GPHN: variants seen among roughly 807,000 people sequenced by gnomAD.
GPHN encodes the protein gephyrin.
A neutral mutation model predicts 95.5 loss-of-function variants in GPHN; 17 were observed. The observed-to-expected ratio is 0.18, with a 90% CI of 0.12 to 0.27. The LOEUF is 0.27. Among genes scored for constraint, GPHN ranks in the 10% least tolerant of loss-of-function variants. GPHN has a pLI of 1.00. For missense variants in GPHN, 660 were observed against 978.1 expected, an observed-to-expected ratio of 0.67 and a Z score of 4.34; for synonymous variants, 320 against 322.5, an observed-to-expected ratio of 0.99 and a Z score of 0.08.
At chr14:67,734,137 T>C in the GPHN span, 1 of 336,928 alleles carries the variant, frequency 3.0e-6, no homozygotes, top group Non-Finnish European at 5.8e-6. Context: ...GGCATGGGGG[T>C]GGCAGAAGAG....
chr14:67,680,739 G>A, the GPHN span, among the ~76,000 whole-genome samples: 5 of 152,232 alleles, frequency 3.3e-5, no homozygotes, highest in South Asian at 2.1e-4. Flanking sequence ...GATTACAGGC[G>A]TGAGCCGCCG....
the GPHN span, chr14:67,571,748 G>A: frequency 1.9e-6 from 3 of 1,612,110 alleles, no homozygotes; most frequent in African/African-American, 2.7e-5. Context: ...GGCCTGTCTT[G>A]CAGAGAGCTA....
chr14:66,868,473 A>T (rs1158684128), intron 4 of GPHN, among the ~76,000 whole-genome samples: 1 of 152,032 alleles, frequency 6.6e-6, no homozygotes, highest in Admixed American at 6.6e-5. Flanking sequence ...GGCTCACTGC[A>T]GCCTCTGCAA....
chr14:66,976,798 T>C (rs2070257800), intron 9 of GPHN, among the ~76,000 whole-genome samples: 1 of 151,332 alleles, frequency 6.6e-6, no homozygotes, highest in South Asian at 2.1e-4. Context: ...ATCTACCATA[T>C]ACAGGGTTGA....
chr14:67,039,694 G>A (rs2074600448), intron 10 of GPHN, among the ~76,000 whole-genome samples: 1 of 152,190 alleles, frequency 6.6e-6, no homozygotes, highest in African/African-American at 2.4e-5. Context: ...TCAGGAGGCT[G>A]AGGTGGGAGG....
Position 66,957,785 on chromosome 14 carries a change from G to A in GPHN, c.829-7406G>A, listed in dbSNP as rs535270812. ...ACCAGTCCATGACCTGTTAGGAAGCGGTCCGCACAGTGGGAGGTGAGCAGC... is the reference window on the plus strand; with the variant it reads ...ACCAGTCCATGACCTGTTAGGAAGCAGTCCGCACAGTGGGAGGTGAGCAGC... On this transcript the variant is annotated intron_variant, in intron 8 of 22. Coordinates refer to ENST00000478722, the MANE Select transcript of GPHN (RefSeq NM_020806.5). 1.7e-4 allele frequency among the ~76,000 whole-genome samples: 26 copies of A among 152,196 alleles called. No individual in the cohort carries two copies. In the South Asian group the frequency reaches 2.3e-3, roughly 13 times the overall value.
chr14:66,589,074 A>G lies in GPHN; in HGVS notation c.64+80483A>G, dbSNP rs532460712. On this transcript the variant is annotated intron_variant, in intron 1 of 22. Coordinates refer to ENST00000478722, the MANE Select transcript of GPHN (RefSeq NM_020806.5). ...ACAAGCCAGAAGAGAGTGGGGGCCA[A>G]TATTCAACCTTCTGAAAAAAAAGAA... Among the ~76,000 whole-genome samples the G allele has an allele frequency of 1.6e-3, 243 of 152,274 alleles. 2 individuals carry two copies. The highest frequency in any genetic ancestry group is 5.8e-3 in the African/African-American group (240 of 41,566).
intron 2 of GPHN, among the ~76,000 whole-genome samples, chr14:66,750,313 C>G (rs1005132786): frequency 3.3e-5 from 5 of 151,686 alleles, no homozygotes; most frequent in African/African-American, 1.2e-4. Context: ...TTTTAAGATT[C>G]TGAGTTCTTT....
chr14:67,404,110 T>C, the GPHN span, among the ~76,000 whole-genome samples: 1 of 152,140 alleles, frequency 6.6e-6, no homozygotes, highest in Non-Finnish European at 1.5e-5. Context: ...TTGACACTTA[T>C]AGGAACACTG....
chr14:67,419,264 AC>A, the GPHN span, among the ~76,000 whole-genome samples: 1 of 151,546 alleles, frequency 6.6e-6, no homozygotes, highest in Admixed American at 6.6e-5. Context: ...ATGTCTGAGG[AC>A]CCCCCAGCAC....
intron 1 of GPHN, among the ~76,000 whole-genome samples, chr14:66,572,007 A>G (rs909096974): frequency 1.1e-4 from 17 of 152,156 alleles, no homozygotes; most frequent in Admixed American, 6.5e-5. Flanking sequence ...CAGTTTTCCC[A>G]ATATCATTTG....
At chr14:66,740,933 C>T (rs953207686) in intron 2 of GPHN, among the ~76,000 whole-genome samples, 1 of 152,066 alleles carries the variant, frequency 6.6e-6, no homozygotes, top group African/African-American at 2.4e-5. Context: ...TTCTGGAAAG[C>T]CGGGAAGTCC....
chr14:66,542,515 T>C (rs2059389705), intron 1 of GPHN, among the ~76,000 whole-genome samples: 1 of 152,194 alleles, frequency 6.6e-6, no homozygotes, highest in Non-Finnish European at 1.5e-5. Flanking sequence ...CATTATTCTT[T>C]ACTTTTCTAT....
Position 66,707,261 on chromosome 14 carries a change from C to T in GPHN, c.143+26076C>T, listed in dbSNP as rs557322460. 2.1e-4 allele frequency among the ~76,000 whole-genome samples: 32 copies of T among 152,240 alleles called. 1 individual carries two copies. Among genetic ancestry groups the T allele is most frequent in the Admixed American group, 1.4e-3 (22 of 15,288 alleles). On this transcript the variant is annotated intron_variant, in intron 2 of 22. Coordinates refer to ENST00000478722, the MANE Select transcript of GPHN (RefSeq NM_020806.5). ...ATTGTGAAAGACAGTATGTAGATTTCTCAAGGATCTAGAACCAGAAATACC... is the reference window on the plus strand; with the variant it reads ...ATTGTGAAAGACAGTATGTAGATTTTTCAAGGATCTAGAACCAGAAATACC...
intron 3 of GPHN, among the ~76,000 whole-genome samples, chr14:66,787,769 A>T (rs181938337): frequency 1.4e-4 from 21 of 151,704 alleles, no homozygotes; most frequent in Non-Finnish European, 2.9e-4. Flanking sequence ...GGAAATCAAC[A>T]GGCAAAAAAA....
intron 1 of GPHN, among the ~76,000 whole-genome samples, chr14:66,545,345 C>G (rs1175072932): frequency 6.8e-6 from 1 of 146,264 alleles, no homozygotes; most frequent in Non-Finnish European, 1.5e-5. Flanking sequence ...CTGACCCCCC[C>G]ACCTCCCTCC....
chr14:66,951,284 C>T (rs1006719584), intron 8 of GPHN, among the ~76,000 whole-genome samples: 3 of 151,768 alleles, frequency 2.0e-5, no homozygotes, highest in Admixed American at 6.6e-5. Flanking sequence ...CTTTGGGGGC[C>T]GAGGCAGGCA....
intron 1 of GPHN, among the ~76,000 whole-genome samples, chr14:66,670,475 C>G (rs2066243706): frequency 6.6e-6 from 1 of 152,136 alleles, no homozygotes; most frequent in African/African-American, 2.4e-5. Context: ...CGTAATTTTA[C>G]TGGTTCTTGT....
intron 9 of GPHN, among the ~76,000 whole-genome samples, chr14:67,020,233 C>T (rs77335661): frequency 0.019 from 2,930 of 152,236 alleles, 39 homozygotes; most frequent in Middle Eastern, 0.041. Flanking sequence ...AATGTTCTCC[C>T]ATAAGAGTTA....
Sources: allele counts gnomAD v4.1 joint callset (sites outside exome capture counted in the v4.1 genomes callset), GRCh38; gene constraint gnomAD v4.1.1; transcripts MANE v1.5; gene names NCBI Gene and HGNC (gene_info 2026-07-23, HGNC 2026-07-21).